Variants in USP45 observed in about 807,000 individuals in gnomAD.
USP45 encodes the protein ubiquitin specific peptidase 45.
USP45 carries 89 observed loss-of-function variants against 95.8 expected under a neutral mutation model. That is an observed-to-expected ratio of 0.93 (90% CI 0.78 to 1.11). The LOEUF is 1.11. USP45 is among the 50% of genes least tolerant of loss of function. The pLI is 0.00. For missense variants in USP45, 898 were observed against 942.5 expected (o/e 0.95, Z 0.62); for synonymous variants, 281 against 316.2 (o/e 0.89, Z 1.18).
chr6:99,497,672 C>T (rs1307707714), intron 5 of USP45, among the ~76,000 whole-genome samples: 15 of 152,194 alleles, frequency 9.9e-5, no homozygotes, highest in Admixed American at 9.8e-4. Context: ...AAACTGAGAT[C>T]TACAAAATCA....
chr6:99,469,487 T>TATATA (rs1491589320), intron 9 of USP45, among the ~76,000 whole-genome samples: 1 of 3,886 alleles, frequency 2.6e-4, no homozygotes, highest in African/African-American at 1.9e-3. Flanking sequence ...TATATATATA[T>TATATA]TTTTTTTTTT....
chr6:99,479,601 CAA>C (rs34635892), intron 8 of USP45, among the ~76,000 whole-genome samples: 95 of 117,050 alleles, frequency 8.1e-4, no homozygotes, highest in Non-Finnish European at 1.3e-3. Context: ...TTCCAACAGA[CAA>C]AAAAAAAAAA....
chr6:99,468,452 C>T (rs2128641416), intron 10 of USP45, 85 bp downstream of exon 10: 1 of 914,456 alleles, frequency 1.1e-6, no homozygotes, highest in East Asian at 2.7e-5. Flanking sequence ...TGGATTAGTT[C>T]ACATAATGTT....
At chr6:99,497,433 A>T (rs1031157859) in intron 5 of USP45, among the ~76,000 whole-genome samples, 1 of 152,176 alleles carries the variant, frequency 6.6e-6, no homozygotes, top group Admixed American at 6.6e-5. Flanking sequence ...AGCTGAAAAG[A>T]AGTTTAATAT....
chr6:99,456,692 G>A (rs1197546896), intron 13 of USP45, among the ~76,000 whole-genome samples: 2 of 152,116 alleles, frequency 1.3e-5, no homozygotes, highest in African/African-American at 2.4e-5. Flanking sequence ...GAGGATGTAT[G>A]TTGCCTCAGG....
At chr6:99,469,484 ATATTT>A (rs1344267376) in intron 9 of USP45, among the ~76,000 whole-genome samples, 5 of 8,818 alleles carry the variant, frequency 5.7e-4, no homozygotes, top group Non-Finnish European at 1.5e-3. Flanking sequence ...ATATATATAT[ATATTT>A]TTTTTTTTTT....
intron 16 of USP45, among the ~76,000 whole-genome samples, chr6:99,437,966 G>A (rs1019868121): frequency 6.6e-6 from 1 of 152,080 alleles, no homozygotes; most frequent in Non-Finnish European, 1.5e-5. Context: ...CCTATGCAGG[G>A]ATATTTCATG....
At chr6:99,455,430 G>A (rs922164683) in intron 13 of USP45, among the ~76,000 whole-genome samples, 24 of 151,102 alleles carry the variant, frequency 1.6e-4, no homozygotes, top group African/African-American at 5.9e-4. Context: ...CAGCCTGGGC[G>A]ATGGAGCGAG....
chr6:99,442,483 T>C (rs1338587381), intron 15 of USP45, among the ~76,000 whole-genome samples: 1 of 152,202 alleles, frequency 6.6e-6, no homozygotes, highest in African/African-American at 2.4e-5. Context: ...AAACTATCAA[T>C]AGTTTTCCTT....
At chr6:99,483,430 A>C (rs931874863) in intron 7 of USP45, among the ~76,000 whole-genome samples, 38 of 152,256 alleles carry the variant, frequency 2.5e-4, no homozygotes, top group African/African-American at 8.7e-4. Context: ...TTAATTCTAG[A>C]ATTTTTTTCC....
At chr6:99,506,632 T>A (rs1798587011) in intron 4 of USP45, among the ~76,000 whole-genome samples, 1 of 152,210 alleles carries the variant, frequency 6.6e-6, no homozygotes, top group South Asian at 2.1e-4. Context: ...AGTACCTGGA[T>A]TTTTACTTCA....
Position 99,489,030 on chromosome 6 carries a change from C to T in USP45, c.479-210G>A, listed in dbSNP as rs375637495. 5.3e-5 allele frequency among the ~76,000 whole-genome samples: 8 copies of T among 152,158 alleles called. No individual in the cohort carries two copies. The East Asian group carries it at 9.6e-4, about 18-fold the overall frequency. On this transcript the variant is annotated intron_variant, in intron 5 of 17. Transcript: ENST00000500704. ...TTAAACTTTAGTATACAGATCTGCACCTCACACTATATTACAGAATAAATT... is the reference window on the plus strand; with the variant it reads ...TTAAACTTTAGTATACAGATCTGCATCTCACACTATATTACAGAATAAATT...
chr6:99,474,984 T>G (rs920496841), intron 9 of USP45, among the ~76,000 whole-genome samples: 1 of 152,168 alleles, frequency 6.6e-6, no homozygotes, highest in African/African-American at 2.4e-5. Context: ...ATTCCTTTTC[T>G]GAGAAATGCT....
chr6:99,474,559 CA>C (rs1790328225), intron 9 of USP45, among the ~76,000 whole-genome samples: 1 of 152,180 alleles, frequency 6.6e-6, no homozygotes, highest in Admixed American at 6.5e-5. Context: ...AGCACATATG[CA>C]CTTCACTGAA....
intron 9 of USP45, among the ~76,000 whole-genome samples, chr6:99,471,498 CATT>C (rs1317580000): frequency 6.6e-6 from 1 of 152,044 alleles, no homozygotes; most frequent in African/African-American, 2.4e-5. Flanking sequence ...AATATAGTAT[CATT>C]AATTTAGTGA....
At chr6:99,437,998 G>A (rs975231672) in intron 16 of USP45, among the ~76,000 whole-genome samples, 2 of 152,188 alleles carry the variant, frequency 1.3e-5, no homozygotes, top group Non-Finnish European at 2.9e-5. Flanking sequence ...AGTTCTGTAT[G>A]TATTACTCTT....
chr6:99,455,367 C>T (rs1784815606), intron 13 of USP45, among the ~76,000 whole-genome samples: 1 of 152,134 alleles, frequency 6.6e-6, no homozygotes, highest in Non-Finnish European at 1.5e-5. Context: ...ATGAGAATCA[C>T]TTGAACCCAG....
intron 13 of USP45, among the ~76,000 whole-genome samples, chr6:99,459,747 C>A (rs1042287650): frequency 6.6e-6 from 1 of 152,106 alleles, no homozygotes; most frequent in Admixed American, 6.6e-5. Context: ...CTGAGTTTTT[C>A]ATATGCCTGT....
chr6:99,497,488 C>A (rs1405137921), intron 5 of USP45, among the ~76,000 whole-genome samples: 2 of 152,156 alleles, frequency 1.3e-5, no homozygotes, highest in Admixed American at 6.5e-5. Context: ...CCACAATTCC[C>A]CTAGCTTGGA....
Sources: gnomAD v4.1 joint callset for allele counts (sites outside exome capture counted in the v4.1 genomes callset) on GRCh38, gnomAD v4.1.1 for gene constraint, MANE v1.5 for transcripts, NCBI Gene and HGNC (gene_info 2026-07-23, HGNC 2026-07-21) for gene names.